PRR16: variants seen among roughly 807,000 people sequenced by gnomAD.
PRR16 encodes proline rich 16, also known as protein Largen.
In PRR16, 6 loss-of-function variants were observed where a neutral mutation model predicts 18.2. The observed-to-expected ratio is 0.33, with a 90% CI of 0.18 to 0.65. The LOEUF is 0.65. PRR16 is among the 30% of genes least tolerant of loss of function. PRR16 has a pLI of 0.74. For missense variants in PRR16, 412 were observed against 376.6 expected, an observed-to-expected ratio of 1.09 and a Z score of -0.78; for synonymous variants, 151 against 147.8, an observed-to-expected ratio of 1.02 and a Z score of -0.16.
intron 1 of PRR16, among the ~76,000 whole-genome samples, chr5:120,484,457 A>G (rs1377513091): frequency 6.9e-6 from 1 of 145,106 alleles, no homozygotes; most frequent in African/African-American, 2.5e-5. Flanking sequence ...GATATATTTT[A>G]TATCTAATAT....
At chr5:120,557,640 A>C (rs1011776830) in intron 1 of PRR16, among the ~76,000 whole-genome samples, 1 of 151,922 alleles carries the variant, frequency 6.6e-6, no homozygotes, top group African/African-American at 2.4e-5. Flanking sequence ...TTTCTCATGC[A>C]AAACAAAGGG....
intron 1 of PRR16, among the ~76,000 whole-genome samples, chr5:120,562,698 C>G (rs1463566708): frequency 6.6e-6 from 1 of 151,978 alleles, no homozygotes; most frequent in African/African-American, 2.4e-5. Context: ...TGTCTTATAA[C>G]TCATTATTTT....
chr5:120,465,017 T>C (rs943548314), intron 1 of PRR16, among the ~76,000 whole-genome samples: 9 of 152,060 alleles, frequency 5.9e-5, no homozygotes, highest in South Asian at 2.1e-4. Context: ...TCTCCTGCCC[T>C]ATTGCTTCCC....
intron 1 of PRR16, among the ~76,000 whole-genome samples, chr5:120,548,984 C>CACAT (rs978218664): frequency 1.3e-5 from 2 of 151,422 alleles, no homozygotes; most frequent in Non-Finnish European, 2.9e-5. Context: ...CACACACACA[C>CACAT]ATGCACACTC....
intron 1 of PRR16, among the ~76,000 whole-genome samples, chr5:120,568,294 G>A (rs188821116): frequency 2.0e-5 from 3 of 152,178 alleles, no homozygotes; most frequent in African/African-American, 7.2e-5. Flanking sequence ...GATAGAGCTG[G>A]GATAGGGCCC....
At chr5:120,500,572 C>G (rs1750415727) in intron 1 of PRR16, among the ~76,000 whole-genome samples, 1 of 152,116 alleles carries the variant, frequency 6.6e-6, no homozygotes, top group Non-Finnish European at 1.5e-5. Context: ...AAAATTTTGC[C>G]TAAAATGTTA....
At chr5:120,571,195 C>G (rs753623042) in intron 1 of PRR16, among the ~76,000 whole-genome samples, 1 of 152,142 alleles carries the variant, frequency 6.6e-6, no homozygotes, top group Non-Finnish European at 1.5e-5. Flanking sequence ...CAGTTTGATA[C>G]TCTGGAGAGA....
At chr5:120,737,307 G>GTTTTTTTTTT in the PRR16 span, among the ~76,000 whole-genome samples, 1 of 51,088 alleles carries the variant, frequency 2.0e-5, no homozygotes, top group Non-Finnish European at 3.6e-5. Flanking sequence ...AGTTTGTTGA[G>GTTTTTTTTTT]TTTTTTTTTT....
chr5:120,729,153 C>A, the PRR16 span, among the ~76,000 whole-genome samples: 1 of 152,086 alleles, frequency 6.6e-6, no homozygotes, highest in Non-Finnish European at 1.5e-5. Flanking sequence ...TTAGTAGAAT[C>A]CATCTAGGCA....
At chr5:120,733,583 A>G in the PRR16 span, among the ~76,000 whole-genome samples, 88 of 152,294 alleles carry the variant, frequency 5.8e-4, no homozygotes, top group Non-Finnish European at 1.0e-3. Flanking sequence ...TTACTCATTC[A>G]GTAGCTCAAG....
At chr5:120,616,214 T>C (rs1365852819) in intron 1 of PRR16, among the ~76,000 whole-genome samples, 1 of 152,152 alleles carries the variant, frequency 6.6e-6, no homozygotes, top group Non-Finnish European at 1.5e-5. Flanking sequence ...CTTTTATTCA[T>C]ACCTCGTTTG....
chr5:120,762,663 C>G, the PRR16 span, among the ~76,000 whole-genome samples: 4 of 151,980 alleles, frequency 2.6e-5, no homozygotes, highest in Non-Finnish European at 4.4e-5. Flanking sequence ...TGCTTGAGTA[C>G]CTTGTGTGTT....
the PRR16 span, among the ~76,000 whole-genome samples, chr5:120,787,587 A>C: frequency 6.6e-6 from 1 of 152,166 alleles, no homozygotes; most frequent in Non-Finnish European, 1.5e-5. Context: ...GCCTATAATA[A>C]TGTTTGCTCT....
chr5:120,661,757 A>AAAGTCTGTATTTCCC (rs1414033899), intron 1 of PRR16, among the ~76,000 whole-genome samples: 2 of 151,996 alleles, frequency 1.3e-5, no homozygotes, highest in African/African-American at 2.4e-5. Context: ...CTGTATTTCC[A>AAAGTCTGTATTTCCC]AAGTCTGTAT....
At chr5:120,665,302 T>C (rs1051692832) in intron 1 of PRR16, among the ~76,000 whole-genome samples, 2 of 151,582 alleles carry the variant, frequency 1.3e-5, no homozygotes, top group Non-Finnish European at 2.9e-5. Context: ...TTTGATGGGG[T>C]TGTTTGTTTT....
chr5:120,667,101 G>A (rs986508557), intron 1 of PRR16, among the ~76,000 whole-genome samples: 1 of 152,004 alleles, frequency 6.6e-6, no homozygotes, highest in Non-Finnish European at 1.5e-5. Flanking sequence ...GACTCCTTTT[G>A]GTTGGTAAGC....
chr5:120,553,599 C>A (rs140309426), intron 1 of PRR16, among the ~76,000 whole-genome samples: 145 of 151,966 alleles, frequency 9.5e-4, no homozygotes, highest in African/African-American at 3.3e-3. Flanking sequence ...GCCAAACTCA[C>A]AGCAATGAGT....
At chr5:120,487,305 C>T (rs138717162) in intron 1 of PRR16, among the ~76,000 whole-genome samples, 3 of 151,956 alleles carry the variant, frequency 2.0e-5, no homozygotes, top group South Asian at 2.1e-4. Context: ...CATTTGTTTG[C>T]ATCCTGTTTT....
At chr5:120,514,226 C>A (rs537526852) in intron 1 of PRR16, among the ~76,000 whole-genome samples, 4 of 152,256 alleles carry the variant, frequency 2.6e-5, no homozygotes, top group African/African-American at 9.6e-5. Flanking sequence ...GAGCAGGCAG[C>A]ACTCTGGAAA....
Sources: allele counts gnomAD v4.1 joint callset (sites outside exome capture counted in the v4.1 genomes callset), GRCh38; gene constraint gnomAD v4.1.1; transcripts MANE v1.5; gene names NCBI Gene and HGNC (gene_info 2026-07-23, HGNC 2026-07-21).